Variants in NTSR1 observed in about 807,000 individuals in gnomAD.
NTSR1 encodes neurotensin receptor type 1.
NTSR1 carries 29 observed loss-of-function variants against 31.2 expected under a neutral mutation model. That is an observed-to-expected ratio of 0.93 (90% CI 0.69 to 1.27). NTSR1 has a LOEUF of 1.27. Among genes scored for constraint, NTSR1 ranks in the 50% most tolerant of loss-of-function variants. The pLI, the probability that NTSR1 is intolerant of heterozygous loss-of-function variation, is 0.00. For synonymous variants in NTSR1, 282 were observed against 269.9 expected (o/e 1.04, Z -0.44); for missense variants, 697 against 595.4 (o/e 1.17, Z -1.78).
At chr20:62,716,799 C>T (rs771455260) in intron 1 of NTSR1, among the ~76,000 whole-genome samples, 8 of 152,230 alleles carry the variant, frequency 5.3e-5, no homozygotes, top group Non-Finnish European at 1.0e-4. Flanking sequence ...AGGCTGCTGC[C>T]TGCACGAGGC....
intron 1 of NTSR1, among the ~76,000 whole-genome samples, chr20:62,754,086 G>A (rs143470469): frequency 5.9e-5 from 9 of 152,342 alleles, no homozygotes; most frequent in East Asian, 1.9e-4. Context: ...GTGGGTTGAT[G>A]TGGAAGCTAG....
rs937459638 is a variant in NTSR1 at position 62,711,937 on chromosome 20, CCTGCAGACGCCATG to C, written c.714+2020_714+2033del. 3.3e-5 allele frequency among the ~76,000 whole-genome samples: 5 copies of C among 152,350 alleles called. No homozygotes were observed. Among genetic ancestry groups the C allele is most frequent in the African/African-American group, 1.2e-4 (5 of 41,588 alleles). On this transcript the variant is annotated intron_variant, in intron 1 of 3. Transcript: ENST00000370501. This position sits in a 1 kb window ranked among gnomAD's most constrained non-coding sequence, Gnocchi z 6.4. ...CAACCGTAGGACAGCGGCCCCACGC[CCTGCAGACGCCATG>C]CTGGCCGAGCGTTGCTGAAGGCACC...
intron 1 of NTSR1, among the ~76,000 whole-genome samples, chr20:62,752,463 C>T (rs979604669): frequency 1.4e-4 from 19 of 139,006 alleles, no homozygotes; most frequent in South Asian, 2.7e-4. Context: ...GTGGGGGAGG[C>T]GGGGGAGGGC....
At chr20:62,731,049 AT>A (rs771484773) in intron 1 of NTSR1, among the ~76,000 whole-genome samples, 3 of 151,878 alleles carry the variant, frequency 2.0e-5, no homozygotes, top group Non-Finnish European at 4.4e-5. Context: ...TAACAGTGTC[AT>A]TTTTAGAGCG....
At chr20:62,757,690 C>T (rs1366881067) in intron 2 of NTSR1, among the ~76,000 whole-genome samples, 4 of 152,196 alleles carry the variant, frequency 2.6e-5, no homozygotes, top group African/African-American at 9.7e-5. Flanking sequence ...GGATGTCTCC[C>T]TGCATCTCCC....
chr20:62,760,595 T>G lies in NTSR1; in HGVS notation c.*328T>G. 2.3e-5 allele frequency: 6 copies of G among 262,844 alleles called. No individual in the cohort carries two copies. Among genetic ancestry groups the G allele is most frequent in the Admixed American group, 9.7e-5 (2 of 20,686 alleles). 16.3% of individuals were successfully genotyped at this position (262,844 alleles called of 1,614,324 possible). A position where few individuals can be genotyped will look rare whatever the true frequency, so the allele number is the denominator to read the frequency against. ...AAGGCAGTTTTCTTTGTTCTCAGACTAATGGATGGTTCCAGAGAAGGAAAT... is the reference window on the plus strand; with the variant it reads ...AAGGCAGTTTTCTTTGTTCTCAGACGAATGGATGGTTCCAGAGAAGGAAAT... On this transcript the variant is annotated 3_prime_UTR_variant, in exon 4 of 4. Transcript: ENST00000370501.
intron 1 of NTSR1, among the ~76,000 whole-genome samples, chr20:62,725,705 C>T (rs1408237087): frequency 3.3e-5 from 5 of 152,236 alleles, no homozygotes; most frequent in South Asian, 4.1e-4. Flanking sequence ...TGGGCACAGA[C>T]GCCGCCGCCT....
rs1261341791 is a variant in NTSR1 at position 62,714,232 on chromosome 20, T to C, written c.714+4311T>C. 1.3e-5 allele frequency among the ~76,000 whole-genome samples: 2 copies of C among 152,230 alleles called. No individual in the cohort carries two copies. Among genetic ancestry groups the C allele is most frequent in the Non-Finnish European group, 2.9e-5 (2 of 68,036 alleles). Reference sequence around the variant, plus strand: ...CTGGCTCTGGCCGTAGCGGCCACAGTGTCCTCACCTGCAGCGCAGGGCATA... The same window carrying C: ...CTGGCTCTGGCCGTAGCGGCCACAGCGTCCTCACCTGCAGCGCAGGGCATA... On this transcript the variant is annotated intron_variant, in intron 1 of 3. Coordinates refer to ENST00000370501, the MANE Select transcript of NTSR1 (RefSeq NM_002531.3). This position sits in a 1 kb window ranked among gnomAD's most constrained non-coding sequence, Gnocchi z 4.1.
At chr20:62,722,505 A>G (rs1988840364) in intron 1 of NTSR1, among the ~76,000 whole-genome samples, 1 of 152,214 alleles carries the variant, frequency 6.6e-6, no homozygotes, top group Non-Finnish European at 1.5e-5. Context: ...CCCACAGGAA[A>G]GCCGGTGTAG....
At chr20:62,719,101 T>C (rs1317656225) in intron 1 of NTSR1, among the ~76,000 whole-genome samples, 3 of 115,108 alleles carry the variant, frequency 2.6e-5, no homozygotes, top group Admixed American at 9.9e-5. Context: ...TTGCCTTGCT[T>C]CCAGTCCCTT....
chr20:62,719,422 C>T (rs905792959), intron 1 of NTSR1, among the ~76,000 whole-genome samples: 2 of 61,628 alleles, frequency 3.2e-5, no homozygotes, highest in Non-Finnish European at 8.9e-5. Flanking sequence ...ACTAAGTACA[C>T]TGTCACATGA....
rs370549384 is a variant in NTSR1, at chr20:62,709,539, C to T, written c.332C>T (p.Ser111Phe). ...TACCACCTGGGCAGCCTGGCGCTGTCCGACCTGCTCACCCTGCTGCTGGCC... is the reference window on the plus strand; with the variant it reads ...TACCACCTGGGCAGCCTGGCGCTGTTCGACCTGCTCACCCTGCTGCTGGCC... ...VHYHLGSLAL[S>F]DLLTLLLAMP... The change falls in exon 1 of 4, where the codon TCC becomes TTC. Residue 111 changes from serine (S) to phenylalanine (F), a missense_variant. Coordinates refer to ENST00000370501, the MANE Select transcript of NTSR1 (RefSeq NM_002531.3). 27 of 1,612,102 alleles carry T rather than the reference C, an allele frequency of 1.7e-5. No homozygotes were observed. Among genetic ancestry groups the T allele is most frequent in the Non-Finnish European group, 2.2e-5 (26 of 1,179,866 alleles).
chr20:62,740,660 A>G (rs112688507), intron 1 of NTSR1, among the ~76,000 whole-genome samples: 3,874 of 152,324 alleles, frequency 0.025, 74 homozygotes, highest in South Asian at 0.046. Context: ...GCGAGGCCCT[A>G]CCAGGGATCC....
rs1475483960 is a variant in NTSR1 at position 62,733,545 on chromosome 20, C to T, written c.715-21140C>T. Among the ~76,000 whole-genome samples, 1 of 152,128 alleles carries T rather than the reference C, an allele frequency of 6.6e-6. No homozygotes were observed. The highest frequency in any genetic ancestry group is 1.5e-5 in the Non-Finnish European group (1 of 68,034). On this transcript the variant is annotated intron_variant, in intron 1 of 3. Transcript: ENST00000370501. This position sits in a 1 kb window ranked among gnomAD's most constrained non-coding sequence, Gnocchi z 5.2. ...GCTGTGGCTGACTCCTGGCTTAGGG[C>T]TCAGGCCTGTCTCACCTAGCAATGC...
chr20:62,722,472 G>A (rs1204353577), intron 1 of NTSR1, among the ~76,000 whole-genome samples: 1 of 152,152 alleles, frequency 6.6e-6, no homozygotes, highest in Non-Finnish European at 1.5e-5. Context: ...GCCTTGTTCT[G>A]TACACGCTGG....
chr20:62,755,162 C>A lies in NTSR1; in HGVS notation c.916+276C>A, dbSNP rs114330997. 6.7e-3 allele frequency among the ~76,000 whole-genome samples: 879 copies of A among 131,564 alleles called. 10 individuals are homozygous for A. The highest frequency in any genetic ancestry group is 0.024 in the African/African-American group (833 of 34,244). The allele number at this position is 131,564 out of a possible 152,430, so 86.3% of individuals were successfully genotyped here. On this transcript the variant is annotated intron_variant, in intron 2 of 3. Transcript: ENST00000370501. ...CTTCCCTCCATCCATCCATCCCTTC[C>A]TCCTTCTATCCCTCCACCCCTCCCT...
intron 1 of NTSR1, among the ~76,000 whole-genome samples, chr20:62,751,762 G>A (rs144074925): frequency 1.1e-3 from 174 of 152,338 alleles, no homozygotes; most frequent in African/African-American, 4.0e-3. Flanking sequence ...GAGGGTGCAC[G>A]GCTCCCCAGG....
In NTSR1 at chr20:62,758,897, G is replaced by A. The variant is rs1049184266; in HGVS notation, c.1007+541G>A. On this transcript the variant is annotated intron_variant, in intron 3 of 3. Coordinates refer to ENST00000370501, the MANE Select transcript of NTSR1 (RefSeq NM_002531.3). The surrounding 1 kb of genome is among the most constrained non-coding windows in gnomAD (Gnocchi z 4.5). ...CCCTCCCAGAGGAGCCTCACAGGAC[G>A]ATATGGGGGCCGATCACAGGGGCAC... Among the ~76,000 whole-genome samples, 4 of 152,182 alleles carry A rather than the reference G, an allele frequency of 2.6e-5. No homozygotes were observed. Among genetic ancestry groups the A allele is most frequent in the East Asian group, 1.9e-4 (1 of 5,190 alleles).
At chr20:62,739,627 A>C (rs562615263) in intron 1 of NTSR1, among the ~76,000 whole-genome samples, 1 of 152,344 alleles carries the variant, frequency 6.6e-6, no homozygotes, top group South Asian at 2.1e-4. Flanking sequence ...CCATAATCAG[A>C]TTCACCACAA....
Sources: allele counts gnomAD v4.1 joint callset (sites outside exome capture counted in the v4.1 genomes callset), GRCh38; gene constraint gnomAD v4.1.1; non-coding constraint Gnocchi (gnomAD v3.1); transcripts MANE v1.5; gene names NCBI Gene and HGNC (gene_info 2026-07-23, HGNC 2026-07-21).